The following FAM13A variants were observed in gnomAD, a reference collection of about 807,000 sequenced individuals.
The protein encoded by FAM13A is protein FAM13A.
A neutral mutation model predicts 129.6 loss-of-function variants in FAM13A; 76 were observed. The observed-to-expected ratio is 0.59, with a 90% CI of 0.49 to 0.71. The LOEUF is 0.71. FAM13A is among the 30% of genes least tolerant of loss of function. The pLI is 0.00. For synonymous variants in FAM13A, 443 were observed against 449.9 expected (o/e 0.98, Z 0.20); for missense variants, 1,108 against 1,249.3 (o/e 0.89, Z 1.70).
chr4:88,814,714 G>A (rs6532082), intron 7 of FAM13A, among the ~76,000 whole-genome samples: 77,124 of 152,000 alleles, frequency 0.51, 19,801 homozygotes, highest in East Asian at 0.66. Flanking sequence ...CAAAATACTG[G>A]TATCTATTAT....
intron 4 of FAM13A, among the ~76,000 whole-genome samples, chr4:88,954,276 C>A (rs2148888473): frequency 6.6e-6 from 1 of 152,290 alleles, no homozygotes; most frequent in East Asian, 1.9e-4. Flanking sequence ...AATCTGTGAT[C>A]ACAATCTTAC....
chr4:89,008,480 T>C (rs1303499957), intron 3 of FAM13A, among the ~76,000 whole-genome samples: 2 of 152,240 alleles, frequency 1.3e-5, no homozygotes, highest in Non-Finnish European at 2.9e-5. Context: ...GATCTTGGAC[T>C]TCCAGCCACC....
At chr4:88,768,869 A>G (rs954384063) in intron 11 of FAM13A, among the ~76,000 whole-genome samples, 4 of 152,172 alleles carry the variant, frequency 2.6e-5, no homozygotes, top group Admixed American at 6.5e-5. Flanking sequence ...AATATGGCCA[A>G]TGCTTTCTAA....
chr4:88,794,653 A>G (rs984269864), intron 8 of FAM13A, among the ~76,000 whole-genome samples: 3 of 151,864 alleles, frequency 2.0e-5, no homozygotes, highest in African/African-American at 7.2e-5. Flanking sequence ...TGCCTGTAAA[A>G]TATTACCGTT....
chr4:88,737,592 CCCCTTT>C, intron 20 of FAM13A, 37 bp from the exon 21 acceptor site: 2 of 1,557,300 alleles, frequency 1.3e-6, no homozygotes, highest in East Asian at 2.2e-5. Context: ...ACATTCCGAA[CCCCTTT>C]CCCTTTCCCT....
At chr4:88,793,782 C>T (rs1407265263) in intron 8 of FAM13A, among the ~76,000 whole-genome samples, 2 of 152,012 alleles carry the variant, frequency 1.3e-5, no homozygotes, top group African/African-American at 4.8e-5. Flanking sequence ...AAGGTTATGA[C>T]TGCATATTTA....
chr4:89,056,859 C>G, intron 1 of FAM13A, 79 bp downstream of exon 1: 1 of 1,346,870 alleles, frequency 7.4e-7, no homozygotes, highest in Non-Finnish European at 1.0e-6. Context: ...ACACAAACAT[C>G]TCATCAAAAC....
At chr4:88,824,228 A>G (rs1411107218) in intron 7 of FAM13A, among the ~76,000 whole-genome samples, 1 of 152,220 alleles carries the variant, frequency 6.6e-6, no homozygotes, top group Non-Finnish European at 1.5e-5. Context: ...AAATTACAAC[A>G]TAGTCCAGAC....
At position 89,034,864 on chromosome 4, in the gene FAM13A, A is replaced by C. The variant is rs532547623; in HGVS notation, c.28-5215T>G. 2.2e-3 allele frequency among the ~76,000 whole-genome samples: 333 copies of C among 152,334 alleles called. 1 individual carries two copies. Among genetic ancestry groups the C allele is most frequent in the Middle Eastern group, 0.014 (4 of 294 alleles). ...ATCACTGCACTCCAGCCTGGGTGACAGAGTGAGACTGTCTGAAAAGAAAAA... is the reference window on the plus strand; with the variant it reads ...ATCACTGCACTCCAGCCTGGGTGACCGAGTGAGACTGTCTGAAAAGAAAAA... On this transcript the variant is annotated intron_variant, in intron 1 of 23. Transcript: ENST00000264344.
At chr4:88,750,713 C>G in intron 14 of FAM13A, 76 bp from the exon 15 acceptor site, 1 of 1,079,356 alleles carries the variant, frequency 9.3e-7, no homozygotes, top group Middle Eastern at 2.9e-4. Context: ...CAAGTGTTTC[C>G]CAGGCTTCCC....
chr4:89,032,240 G>A (rs968421583), intron 1 of FAM13A, among the ~76,000 whole-genome samples: 7 of 147,552 alleles, frequency 4.7e-5, no homozygotes, highest in Admixed American at 2.0e-4. Flanking sequence ...GCGAGACTCC[G>A]TCTCAAAAAA....
At chr4:88,777,650 G>A (rs1185733062) in intron 11 of FAM13A, among the ~76,000 whole-genome samples, 1 of 152,172 alleles carries the variant, frequency 6.6e-6, no homozygotes, top group African/African-American at 2.4e-5. Context: ...AGTTCCCACT[G>A]TAAAGACACC....
At chr4:88,897,355 G>A (rs1334522304) in intron 6 of FAM13A, among the ~76,000 whole-genome samples, 1 of 152,180 alleles carries the variant, frequency 6.6e-6, no homozygotes, top group Non-Finnish European at 1.5e-5. Flanking sequence ...AAGTGCCATG[G>A]CACTGTGTAA....
At position 88,999,949 on chromosome 4, in the gene FAM13A, A is replaced by G. The variant is rs1764029161; in HGVS notation, c.428-8799T>C. Among the ~76,000 whole-genome samples, 3 of 152,208 alleles carry G rather than the reference A, an allele frequency of 2.0e-5. No homozygotes were observed. In the South Asian group the frequency reaches 6.2e-4, roughly 31 times the overall value. On this transcript the variant is annotated intron_variant, in intron 3 of 23. Transcript: ENST00000264344. ...TTAATACAAGTTGTATACTTTTTAA[A>G]TAACTCACTTGTTGACTATGTCTTT...
chr4:88,886,211 C>T (rs1157199493), intron 6 of FAM13A, among the ~76,000 whole-genome samples: 3 of 152,210 alleles, frequency 2.0e-5, no homozygotes, highest in Non-Finnish European at 4.4e-5. Flanking sequence ...AGTAATACTT[C>T]CACACGCATG....
At chr4:88,906,057 G>A (rs1299951887) in intron 6 of FAM13A, among the ~76,000 whole-genome samples, 1 of 152,190 alleles carries the variant, frequency 6.6e-6, no homozygotes, top group East Asian at 1.9e-4. Context: ...GGAGGCCAAG[G>A]CAGGCAGATC....
At chr4:88,837,918 C>G (rs2149916204) in intron 7 of FAM13A, among the ~76,000 whole-genome samples, 1 of 152,010 alleles carries the variant, frequency 6.6e-6, no homozygotes, top group Non-Finnish European at 1.5e-5. Context: ...CCATGGGTTC[C>G]ACATCTATGG....
intron 7 of FAM13A, among the ~76,000 whole-genome samples, chr4:88,823,964 T>C (rs893486786): frequency 3.3e-5 from 5 of 152,262 alleles, no homozygotes; most frequent in Non-Finnish European, 1.5e-5. Flanking sequence ...TTTTTCTCCA[T>C]GAACATCAAC....
intron 4 of FAM13A, among the ~76,000 whole-genome samples, chr4:88,946,935 C>T (rs1755987823): frequency 6.6e-6 from 1 of 152,120 alleles, no homozygotes; most frequent in Non-Finnish European, 1.5e-5. Flanking sequence ...ACACCATAAC[C>T]TATGAAGGAC....
Sources: gnomAD v4.1 joint callset for allele counts (sites outside exome capture counted in the v4.1 genomes callset) on GRCh38, gnomAD v4.1.1 for gene constraint, MANE v1.5 for transcripts, NCBI Gene and HGNC (gene_info 2026-07-23, HGNC 2026-07-21) for gene names.